Variants in SCFD2 observed in about 807,000 individuals in gnomAD.
The protein encoded by SCFD2 is sec1 family domain-containing protein 2.
SCFD2 carries 54 observed loss-of-function variants against 58.9 expected under a neutral mutation model. The ratio of observed to expected loss-of-function variants is 0.92; its 90% confidence interval spans 0.74 to 1.15. The LOEUF is 1.15. Ranked by LOEUF, SCFD2 falls within the 50% of genes most tolerant of loss-of-function variation. The pLI is 0.00. For missense variants in SCFD2, 805 were observed against 836.6 expected (o/e 0.96, Z 0.47); for synonymous variants, 321 against 335.9 (o/e 0.96, Z 0.49).
chr4:53,247,090 C>A (rs1296094619), intron 4 of SCFD2, among the ~76,000 whole-genome samples: 2 of 149,938 alleles, frequency 1.3e-5, no homozygotes, highest in African/African-American at 4.9e-5. Context: ...AAAAGTTGAG[C>A]AAAGGACATG....
intron 3 of SCFD2, among the ~76,000 whole-genome samples, chr4:53,286,405 G>A (rs1446645433): frequency 2.0e-5 from 3 of 152,056 alleles, no homozygotes; most frequent in Non-Finnish European, 2.9e-5. Flanking sequence ...TAACCCCCAA[G>A]GACCTGAATC....
chr4:53,330,691 C>T (rs902213771), intron 2 of SCFD2, among the ~76,000 whole-genome samples: 11 of 151,670 alleles, frequency 7.3e-5, no homozygotes, highest in Admixed American at 1.3e-4. Flanking sequence ...CATCAACTAA[C>T]GAGCAAAATC....
chr4:53,283,020 G>A (rs989454063), intron 3 of SCFD2, among the ~76,000 whole-genome samples: 1 of 152,114 alleles, frequency 6.6e-6, no homozygotes, highest in Non-Finnish European at 1.5e-5. Context: ...TAATAGAGGT[G>A]GATAGTGAGG....
At chr4:53,303,959 G>C (rs983727694) in intron 3 of SCFD2, among the ~76,000 whole-genome samples, 8 of 128,460 alleles carry the variant, frequency 6.2e-5, no homozygotes, top group Admixed American at 3.4e-4. Context: ...TTGTCGGGTG[G>C]GGGGAGGGGG....
At chr4:53,107,216 C>A (rs2148881063) in intron 5 of SCFD2, among the ~76,000 whole-genome samples, 2 of 152,266 alleles carry the variant, frequency 1.3e-5, no homozygotes, top group Non-Finnish European at 2.9e-5. Flanking sequence ...TACAAGAACT[C>A]CTGAAGGAAG....
At chr4:53,026,943 C>A (rs1417511040) in intron 5 of SCFD2, among the ~76,000 whole-genome samples, 1 of 152,180 alleles carries the variant, frequency 6.6e-6, no homozygotes, top group Non-Finnish European at 1.5e-5. Flanking sequence ...ACTTCTCTGG[C>A]CAAATGATAT....
intron 5 of SCFD2, among the ~76,000 whole-genome samples, chr4:52,986,491 ATTTTTTTTTTTTTT>A (rs369944739): frequency 3.5e-5 from 3 of 84,924 alleles, no homozygotes; most frequent in Non-Finnish European, 6.4e-5. Context: ...TCTTCATGAA[ATTTTTTTTTTTTTT>A]TTTTTTTTTT....
chr4:53,030,202 C>G (rs1318673112), intron 5 of SCFD2, among the ~76,000 whole-genome samples: 1 of 151,660 alleles, frequency 6.6e-6, no homozygotes, highest in African/African-American at 2.4e-5. Flanking sequence ...ATATGAATGG[C>G]AAATAAGCAC....
At chr4:52,955,991 G>A (rs908970554) in intron 5 of SCFD2, 1 of 452,750 alleles carries the variant, frequency 2.2e-6, no homozygotes, top group Non-Finnish European at 4.4e-6. Context: ...CTATTGCTGT[G>A]GTCAGCAACA....
chr4:53,250,447 A>G (rs1641436429), intron 4 of SCFD2, among the ~76,000 whole-genome samples: 1 of 152,142 alleles, frequency 6.6e-6, no homozygotes, highest in Non-Finnish European at 1.5e-5. Context: ...TGCACCAAGC[A>G]CACCTAATAG....
chr4:53,342,116 T>G (rs1035630397), intron 2 of SCFD2, among the ~76,000 whole-genome samples: 3 of 152,128 alleles, frequency 2.0e-5, no homozygotes, highest in Middle Eastern at 3.2e-3. Flanking sequence ...AATATTAACC[T>G]TAAATGTAAA....
At chr4:53,338,390 A>G (rs950469479) in intron 2 of SCFD2, among the ~76,000 whole-genome samples, 3 of 152,176 alleles carry the variant, frequency 2.0e-5, no homozygotes, top group South Asian at 2.1e-4. Flanking sequence ...AACCCCAAAC[A>G]GAATAAACCC....
chr4:53,212,312 A>G (rs1278330778), intron 4 of SCFD2, among the ~76,000 whole-genome samples: 1 of 152,036 alleles, frequency 6.6e-6, no homozygotes, highest in Non-Finnish European at 1.5e-5. Context: ...CCAAATGTGG[A>G]AAGCACATTT....
At chr4:52,973,074 T>C (rs1721150232) in intron 5 of SCFD2, among the ~76,000 whole-genome samples, 1 of 152,106 alleles carries the variant, frequency 6.6e-6, no homozygotes, top group African/African-American at 2.4e-5. Context: ...AGGAAAGATC[T>C]AAAATTGACA....
At chr4:53,011,169 G>A (rs1156467142) in intron 5 of SCFD2, among the ~76,000 whole-genome samples, 1 of 152,138 alleles carries the variant, frequency 6.6e-6, no homozygotes, top group African/African-American at 2.4e-5. Flanking sequence ...TTCTTTCTAT[G>A]AGGATAGTAT....
chr4:53,098,954 ATC>A (rs1724747058), intron 5 of SCFD2, among the ~76,000 whole-genome samples: 1 of 152,084 alleles, frequency 6.6e-6, no homozygotes, highest in South Asian at 2.1e-4. Context: ...GTATGTACCT[ATC>A]TATCAATCAT....
At chr4:53,040,112 GGTGA>G (rs756755656) in intron 5 of SCFD2, among the ~76,000 whole-genome samples, 18 of 152,110 alleles carry the variant, frequency 1.2e-4, no homozygotes, top group Non-Finnish European at 2.4e-4. Context: ...AAATGCAGTG[GGTGA>G]GTATGTTCTG....
intron 5 of SCFD2, among the ~76,000 whole-genome samples, chr4:53,103,912 A>AG (rs201369190): frequency 0.036 from 5,313 of 149,328 alleles, 361 homozygotes; most frequent in African/African-American, 0.13. Context: ...AAAAAAAAAA[A>AG]AAAAGAAAAT....
chr4:53,185,718 G>A (rs1418777414), intron 4 of SCFD2, among the ~76,000 whole-genome samples: 1 of 152,028 alleles, frequency 6.6e-6, no homozygotes, highest in Non-Finnish European at 1.5e-5. Context: ...AAATTTAACT[G>A]TGATTACAAT....
Sources: allele counts gnomAD v4.1 joint callset (sites outside exome capture counted in the v4.1 genomes callset), GRCh38; gene constraint gnomAD v4.1.1; transcripts MANE v1.5; gene names NCBI Gene and HGNC (gene_info 2026-07-23, HGNC 2026-07-21).